ZNRF3: variants seen among roughly 807,000 people sequenced by gnomAD.
ZNRF3 encodes the protein zinc and ring finger 3.
A neutral mutation model predicts 72.5 loss-of-function variants in ZNRF3; 23 were observed. The observed-to-expected ratio is 0.32, with a 90% CI of 0.23 to 0.45. The LOEUF is 0.45. ZNRF3 is among the 20% of genes least tolerant of loss of function. The probability of loss-of-function intolerance (pLI) is 1.00; values close to 1 mark genes in which losing one functional copy is unlikely to be tolerated. For synonymous variants in ZNRF3, 610 were observed against 545.3 expected (o/e 1.12, Z -1.65); for missense variants, 1,169 against 1,272.1 (o/e 0.92, Z 1.23).
intron 1 of ZNRF3, among the ~76,000 whole-genome samples, chr22:28,923,811 AC>A (rs2034548688): frequency 6.6e-6 from 1 of 152,222 alleles, no homozygotes; most frequent in Non-Finnish European, 1.5e-5. Flanking sequence ...GGGCAACCCC[AC>A]ACTCCCTGAG....
Position 28,966,867 on chromosome 22 carries a change from C to CTTT in ZNRF3, c.301-20189_301-20187dup, listed in dbSNP as rs530036984. 4.1e-3 allele frequency among the ~76,000 whole-genome samples: 415 copies of CTTT among 102,362 alleles called. 10 individuals are homozygous for CTTT. The highest frequency in any genetic ancestry group is 0.022 in the South Asian group (64 of 2,968). The allele number at this position is 102,362 out of a possible 152,430, so 67.2% of individuals were successfully genotyped here. A position where few individuals can be genotyped will look rare whatever the true frequency, so the allele number is the denominator to read the frequency against. The stretch of plus-strand genomic sequence containing the variant: ...GTTACAGGCACATAGTTTTAAAAAT[C>CTTT]TTTTTTTTTTTTTTTTTTTTTTGAG... On this transcript the variant is annotated intron_variant, in intron 1 of 8. Coordinates refer to ENST00000544604, the MANE Select transcript of ZNRF3 (RefSeq NM_001206998.2).
intron 2 of ZNRF3, among the ~76,000 whole-genome samples, chr22:29,023,088 AT>A (rs1459706594): frequency 2.6e-5 from 4 of 152,210 alleles, no homozygotes; most frequent in Admixed American, 2.6e-4. Flanking sequence ...TGGTACAGGA[AT>A]TCTGTAATTC....
chr22:29,017,395 C>A (rs1235547002), intron 2 of ZNRF3, among the ~76,000 whole-genome samples: 1 of 152,180 alleles, frequency 6.6e-6, no homozygotes, highest in East Asian at 1.9e-4. Context: ...TGCCGTAAAT[C>A]TTAAGTGTGG....
At chr22:29,027,960 G>A (rs1258000151) in intron 2 of ZNRF3, among the ~76,000 whole-genome samples, 2 of 152,160 alleles carry the variant, frequency 1.3e-5, no homozygotes, top group Admixed American at 6.5e-5. Context: ...ATGGCTGAGG[G>A]GGGCCATGTA....
intron 2 of ZNRF3, chr22:29,026,224 A>T (rs537663640): frequency 6.6e-6 from 1 of 152,304 alleles, no homozygotes; most frequent in South Asian, 2.1e-4. Flanking sequence ...TTAGGGTCTA[A>T]TTCAATATAG....
At chr22:28,915,348 G>C (rs949382576) in intron 1 of ZNRF3, among the ~76,000 whole-genome samples, 3 of 152,140 alleles carry the variant, frequency 2.0e-5, no homozygotes, top group African/African-American at 7.2e-5. Flanking sequence ...CACTCATATT[G>C]TATTAGGGCC....
At chr22:28,963,096 G>A (rs763513800) in intron 1 of ZNRF3, among the ~76,000 whole-genome samples, 9 of 152,228 alleles carry the variant, frequency 5.9e-5, no homozygotes, top group Non-Finnish European at 1.3e-4. Flanking sequence ...TGAACAGGAT[G>A]CAAATGATGG....
At chr22:28,955,301 C>T in intron 1 of ZNRF3, among the ~76,000 whole-genome samples, 1 of 152,110 alleles carries the variant, frequency 6.6e-6, no homozygotes, top group East Asian at 1.9e-4. Flanking sequence ...CCTTCACCAG[C>T]CTTCCAAAAT....
chr22:29,051,170 C>T (rs909463189), intron 8 of ZNRF3, among the ~76,000 whole-genome samples: 18 of 152,252 alleles, frequency 1.2e-4, no homozygotes, highest in Admixed American at 1.1e-3. Flanking sequence ...CCCCAAGATG[C>T]CTGCAGCCTG....
intron 1 of ZNRF3, among the ~76,000 whole-genome samples, chr22:28,913,282 G>T (rs2034351381): frequency 6.6e-6 from 1 of 152,244 alleles, no homozygotes; most frequent in African/African-American, 2.4e-5. Flanking sequence ...GATATATTCT[G>T]CACAGTAGTG....
In ZNRF3 at chr22:28,898,224, A is replaced by G. The variant is rs374399993; in HGVS notation, c.300+14158A>G. Among the ~76,000 whole-genome samples, 14 of 152,240 alleles carry G rather than the reference A, an allele frequency of 9.2e-5. No homozygotes were observed. The East Asian group carries it at 1.7e-3, about 19-fold the overall frequency. On this transcript the variant is annotated intron_variant, in intron 1 of 8. Transcript: ENST00000544604. Reference sequence around the variant, plus strand: ...CGGCCTCCCAAAGTGCTGGGATTACAGGCGTGAGCCACTGTGCCCAGCCAA... The same window carrying G: ...CGGCCTCCCAAAGTGCTGGGATTACGGGCGTGAGCCACTGTGCCCAGCCAA...
intron 2 of ZNRF3, among the ~76,000 whole-genome samples, chr22:28,996,470 A>G (rs745988072): frequency 7.2e-5 from 11 of 152,206 alleles, no homozygotes; most frequent in Admixed American, 4.6e-4. Flanking sequence ...GTTCTTAATC[A>G]TTTTTGAGAA....
At chr22:28,917,660 C>A (rs1412164451) in intron 1 of ZNRF3, among the ~76,000 whole-genome samples, 3 of 152,126 alleles carry the variant, frequency 2.0e-5, no homozygotes, top group Admixed American at 2.0e-4. Flanking sequence ...AATAGTGAGA[C>A]TCCCTCTCTT....
intron 2 of ZNRF3, among the ~76,000 whole-genome samples, chr22:29,029,701 T>C (rs2036709974): frequency 1.3e-5 from 2 of 152,268 alleles, no homozygotes; most frequent in Middle Eastern, 3.4e-3. Context: ...TTTTTTGTTT[T>C]TGTTTTTGTG....
At chr22:28,973,269 G>A (rs1252869792) in intron 1 of ZNRF3, among the ~76,000 whole-genome samples, 1 of 152,128 alleles carries the variant, frequency 6.6e-6, no homozygotes, top group East Asian at 1.9e-4. Context: ...TGTGAGCCAT[G>A]GTGCCTGGCC....
chr22:29,009,991 C>T, intron 2 of ZNRF3, among the ~76,000 whole-genome samples: 1 of 150,790 alleles, frequency 6.6e-6, no homozygotes, highest in Non-Finnish European at 1.5e-5. Context: ...ACTGCAAGCT[C>T]CGCCTCCTGG....
intron 1 of ZNRF3, among the ~76,000 whole-genome samples, chr22:28,918,294 T>TAGG (rs1424142399): frequency 6.6e-6 from 1 of 152,222 alleles, no homozygotes; most frequent in Admixed American, 6.5e-5. Flanking sequence ...TTTGAAGTGT[T>TAGG]AGGAGAAGCG....
At chr22:28,910,181 G>A (rs966307075) in intron 1 of ZNRF3, among the ~76,000 whole-genome samples, 1 of 151,944 alleles carries the variant, frequency 6.6e-6, no homozygotes, top group Non-Finnish European at 1.5e-5. Context: ...GATTACAGGT[G>A]CCCACCACCA....
At chr22:29,042,218 T>G (rs2036976787) in intron 2 of ZNRF3, among the ~76,000 whole-genome samples, 1 of 152,236 alleles carries the variant, frequency 6.6e-6, no homozygotes, top group Admixed American at 6.5e-5. Flanking sequence ...TCAGGGTAAT[T>G]CGCATATCCA....
Sources: gnomAD v4.1 joint callset for allele counts (sites outside exome capture counted in the v4.1 genomes callset) on GRCh38, gnomAD v4.1.1 for gene constraint, MANE v1.5 for transcripts, NCBI Gene and HGNC (gene_info 2026-07-23, HGNC 2026-07-21) for gene names.